Variants in SND1 observed in about 807,000 individuals in gnomAD.
The protein encoded by SND1 is staphylococcal nuclease and tudor domain containing 1, also known as staphylococcal nuclease domain-containing protein 1.
SND1 carries 38 observed loss-of-function variants against 121.7 expected under a neutral mutation model. The observed-to-expected ratio is 0.31, with a 90% CI of 0.24 to 0.41. SND1 has a LOEUF of 0.41. SND1 is among the 10% of genes least tolerant of loss of function. SND1 has a pLI of 1.00. For synonymous variants in SND1, 401 were observed against 447.4 expected (o/e 0.90, Z 1.31); for missense variants, 868 against 1,184.6 (o/e 0.73, Z 3.92).
chr7:127,723,571 A>G (rs1470027989), intron 10 of SND1, among the ~76,000 whole-genome samples: 1 of 152,194 alleles, frequency 6.6e-6, no homozygotes, highest in African/African-American at 2.4e-5. Flanking sequence ...CGTAAGAAAT[A>G]AGTTAATATA....
At chr7:127,724,795 C>A (rs1796554083) in intron 10 of SND1, among the ~76,000 whole-genome samples, 1 of 152,138 alleles carries the variant, frequency 6.6e-6, no homozygotes, top group South Asian at 2.1e-4. Context: ...TAGCAAGGAA[C>A]TCTGGATTTT....
chr7:127,863,974 G>A (rs1015244932), intron 12 of SND1, among the ~76,000 whole-genome samples: 2 of 152,124 alleles, frequency 1.3e-5, no homozygotes, highest in African/African-American at 2.4e-5. Flanking sequence ...AAATTTCAAA[G>A]TGAGAGAAAA....
At chr7:128,001,170 G>C (rs1346410080) in intron 16 of SND1, among the ~76,000 whole-genome samples, 1 of 152,200 alleles carries the variant, frequency 6.6e-6, no homozygotes, top group Non-Finnish European at 1.5e-5. Context: ...AAATGCTGCG[G>C]TGCATGAAAT....
intron 10 of SND1, among the ~76,000 whole-genome samples, chr7:127,738,480 C>T (rs1392992640): frequency 3.3e-5 from 5 of 151,788 alleles, no homozygotes; most frequent in South Asian, 2.1e-4. Flanking sequence ...GGTTTCACCA[C>T]GTTGGCCAGG....
chr7:127,678,456 A>G (rs2116283370), intron 1 of SND1, among the ~76,000 whole-genome samples: 1 of 152,338 alleles, frequency 6.6e-6, no homozygotes, highest in East Asian at 1.9e-4. Context: ...AAGTGTATCC[A>G]GAGCCAGTGA....
intron 11 of SND1, among the ~76,000 whole-genome samples, chr7:127,839,184 G>A (rs1213645430): frequency 6.6e-6 from 1 of 152,150 alleles, no homozygotes; most frequent in Non-Finnish European, 1.5e-5. Context: ...GCCAAATGGT[G>A]TCGTCTTTTC....
intron 15 of SND1, among the ~76,000 whole-genome samples, chr7:127,981,405 G>A (rs185678068): frequency 2.0e-3 from 298 of 152,276 alleles, no homozygotes; most frequent in Non-Finnish European, 3.1e-3. Flanking sequence ...ATTGGGAAGC[G>A]GACAGCCTGC....
chr7:128,006,874 C>T (rs35970007), intron 16 of SND1, among the ~76,000 whole-genome samples: 51 of 152,344 alleles, frequency 3.3e-4, no homozygotes, highest in Non-Finnish European at 6.6e-4. Flanking sequence ...GTTCCCAGGG[C>T]TGGTTGTTGC....
intron 15 of SND1, among the ~76,000 whole-genome samples, chr7:127,964,877 C>T (rs1289847343): frequency 2.8e-4 from 26 of 91,884 alleles, no homozygotes; most frequent in African/African-American, 1.4e-3. Context: ...TTGATTCTTC[C>T]TACCCATGAG....
rs1219844818 is a variant in SND1, at chr7:128,052,369, G to A, written c.1780-22133G>A. 6.6e-6 allele frequency among the ~76,000 whole-genome samples: 1 copy of A among 152,140 alleles called. No homozygotes were observed. The highest frequency in any genetic ancestry group is 6.5e-5 in the Admixed American group (1 of 15,276). On this transcript the variant is annotated intron_variant, in intron 16 of 23. Coordinates refer to ENST00000354725, the MANE Select transcript of SND1 (RefSeq NM_014390.4). This position sits in a 1 kb window ranked among gnomAD's most constrained non-coding sequence, Gnocchi z 4.6. ...TCTGGCAGCTTGTCCATCAAGGTTG[G>A]ATCTGTCTCTCCTCCCGTTTGTGAC... is the stretch of plus-strand genomic sequence containing the variant.
chr7:127,818,047 G>C (rs144310013), intron 11 of SND1, among the ~76,000 whole-genome samples: 5 of 152,204 alleles, frequency 3.3e-5, no homozygotes, highest in East Asian at 3.9e-4. Flanking sequence ...CTGTCATATA[G>C]CTCTGAGCTG....
At chr7:128,014,652 A>G (rs1803187463) in intron 16 of SND1, among the ~76,000 whole-genome samples, 1 of 151,590 alleles carries the variant, frequency 6.6e-6, no homozygotes, top group Admixed American at 6.6e-5. Flanking sequence ...CCACATACAC[A>G]TGCACACAAA....
At chr7:127,798,200 C>T (rs781028052) in intron 10 of SND1, among the ~76,000 whole-genome samples, 1 of 152,194 alleles carries the variant, frequency 6.6e-6, no homozygotes, top group African/African-American at 2.4e-5. Context: ...TACTTCTTCC[C>T]TCTTTGGTCC....
chr7:127,698,795 G>GA, intron 3 of SND1, 80 bp from the exon 4 acceptor site: 1 of 1,079,376 alleles, frequency 9.3e-7, no homozygotes, highest in Non-Finnish European at 1.4e-6. Flanking sequence ...AGCTAAGTGT[G>GA]AAAGTGGTCC....
chr7:127,899,458 G>A (rs1800184553), intron 13 of SND1, among the ~76,000 whole-genome samples: 1 of 152,158 alleles, frequency 6.6e-6, no homozygotes, highest in Non-Finnish European at 1.5e-5. Context: ...CAAGGGGAAA[G>A]CAAAAGCCCA....
intron 1 of SND1, among the ~76,000 whole-genome samples, chr7:127,680,701 A>G (rs544621127): frequency 6.6e-6 from 1 of 151,174 alleles, no homozygotes; most frequent in East Asian, 1.9e-4. Flanking sequence ...TCAAACACAC[A>G]CGCTCTACAG....
intron 16 of SND1, among the ~76,000 whole-genome samples, chr7:128,061,842 T>C (rs781653574): frequency 7.2e-5 from 11 of 152,266 alleles, no homozygotes; most frequent in Non-Finnish European, 1.3e-4. Flanking sequence ...AGAGCAATCC[T>C]GGGCCCCCCA....
At chr7:127,742,789 G>A (rs936202115) in intron 10 of SND1, among the ~76,000 whole-genome samples, 24 of 152,186 alleles carry the variant, frequency 1.6e-4, no homozygotes, top group African/African-American at 5.3e-4. Flanking sequence ...AGCCCCTACT[G>A]TGTGGTGGTG....
At chr7:127,726,694 C>T (rs1405397610) in intron 10 of SND1, among the ~76,000 whole-genome samples, 1 of 152,146 alleles carries the variant, frequency 6.6e-6, no homozygotes, top group Non-Finnish European at 1.5e-5. Flanking sequence ...ACAAAGGAAA[C>T]AGCCCCCAGG....
Sources: allele counts gnomAD v4.1 joint callset (sites outside exome capture counted in the v4.1 genomes callset), GRCh38; gene constraint gnomAD v4.1.1; non-coding constraint Gnocchi (gnomAD v3.1); transcripts MANE v1.5; gene names NCBI Gene and HGNC (gene_info 2026-07-23, HGNC 2026-07-21).